NBEA: variants seen among roughly 807,000 people sequenced by gnomAD.
NBEA encodes the protein lysosomal-trafficking regulator 2.
In NBEA, 44 loss-of-function variants were observed where a neutral mutation model predicts 343.4. The observed-to-expected ratio is 0.13, with a 90% confidence interval of 0.10 to 0.16. The LOEUF (loss-of-function observed/expected upper bound fraction) is 0.16, where lower values mean the gene tolerates loss of function less well. NBEA is among the 10% of genes least tolerant of loss of function. The probability of loss-of-function intolerance (pLI) is 1.00; values close to 1 mark genes in which losing one functional copy is unlikely to be tolerated. For synonymous variants in NBEA, 1,175 were observed against 1,238.7 expected, an observed-to-expected ratio of 0.95 and a Z score of 1.08; for missense variants, 2,555 against 3,631.3, an observed-to-expected ratio of 0.70 and a Z score of 7.62.
intron 10 of NBEA, among the ~76,000 whole-genome samples, chr13:35,080,854 G>A (rs2064355352): frequency 6.6e-6 from 1 of 152,046 alleles, no homozygotes; most frequent in Non-Finnish European, 1.5e-5. Context: ...TTTTACAGAT[G>A]GAAATGAGAT....
Position 35,066,048 on chromosome 13 carries a change from G to T in NBEA, c.1240-3860G>T, listed in dbSNP as rs201906606. Among the ~76,000 whole-genome samples, 14 of 152,108 alleles carry T rather than the reference G, an allele frequency of 9.2e-5. No homozygotes were observed. In the East Asian group the frequency reaches 2.7e-3, roughly 30 times the overall value. On this transcript the variant is annotated intron_variant, in intron 8 of 58. Transcript: ENST00000379939. ...GCAGTCCTAGCACACTGGAGCCTTA[G>T]ACTCCTGGGCTCAGGCTATCCTCCT... is the stretch of plus-strand genomic sequence containing the variant.
intron 47 of NBEA, among the ~76,000 whole-genome samples, chr13:35,601,489 T>C (rs1359341260): frequency 6.6e-6 from 1 of 151,918 alleles, no homozygotes; most frequent in Non-Finnish European, 1.5e-5. Context: ...GGTGGCCGGA[T>C]GTTGTGGCTC....
intron 38 of NBEA, among the ~76,000 whole-genome samples, chr13:35,383,578 A>T (rs559397226): frequency 6.6e-6 from 1 of 152,016 alleles, no homozygotes; most frequent in South Asian, 2.1e-4. Flanking sequence ...GCAATGAGAG[A>T]CCATTGTGGG....
intron 1 of NBEA, among the ~76,000 whole-genome samples, chr13:35,016,905 A>G (rs1475031392): frequency 2.0e-5 from 3 of 152,126 alleles, no homozygotes; most frequent in Non-Finnish European, 1.5e-5. Context: ...GAAACCAACT[A>G]AAATCTGAGT....
intron 43 of NBEA, among the ~76,000 whole-genome samples, chr13:35,551,666 G>T (rs918903500): frequency 6.6e-6 from 1 of 151,860 alleles, no homozygotes; most frequent in African/African-American, 2.4e-5. Flanking sequence ...AACTATAGGG[G>T]TGTGTGTGTT....
chr13:35,290,204 G>C (rs1314392363), intron 34 of NBEA, among the ~76,000 whole-genome samples, 185 bp from the exon 35 acceptor site: 1 of 151,704 alleles, frequency 6.6e-6, no homozygotes, highest in Admixed American at 6.6e-5. Context: ...AACTGGAAGT[G>C]TATCTAAATA....
intron 34 of NBEA, among the ~76,000 whole-genome samples, chr13:35,256,849 TG>T (rs1179712509): frequency 1.3e-5 from 2 of 152,176 alleles, no homozygotes; most frequent in African/African-American, 2.4e-5. Flanking sequence ...TTCAAGCCTG[TG>T]GGGGCAAGGG....
At chr13:35,445,799 T>TATAC (rs1055868984) in intron 39 of NBEA, among the ~76,000 whole-genome samples, 12 of 84,304 alleles carry the variant, frequency 1.4e-4, no homozygotes, top group Admixed American at 1.1e-3. Context: ...TATATATATA[T>TATAC]ATATATATAT....
intron 31 of NBEA, among the ~76,000 whole-genome samples, chr13:35,203,853 A>T (rs189977143): frequency 3.3e-4 from 51 of 152,328 alleles, no homozygotes; most frequent in Non-Finnish European, 4.9e-4. Flanking sequence ...TATAGATTCT[A>T]TGTAGTATAA....
chr13:35,060,795 G>A (rs1229604865), intron 8 of NBEA, among the ~76,000 whole-genome samples: 1 of 151,532 alleles, frequency 6.6e-6, no homozygotes, highest in Non-Finnish European at 1.5e-5. Flanking sequence ...GAAAACCTGA[G>A]TAGTTCACAC....
At chr13:35,668,902 A>G (rs925068739) in intron 58 of NBEA, among the ~76,000 whole-genome samples, 1 of 152,182 alleles carries the variant, frequency 6.6e-6, no homozygotes, top group African/African-American at 2.4e-5. Context: ...TGTGAGACCT[A>G]CTTCTTGCTA....
intron 29 of NBEA, among the ~76,000 whole-genome samples, chr13:35,183,421 A>C (rs756013168): frequency 6.6e-6 from 1 of 152,056 alleles, no homozygotes; most frequent in Non-Finnish European, 1.5e-5. Context: ...TTAGTGGTCA[A>C]ATCTCTGCAT....
chr13:35,436,950 TAGAA>T (rs920408236), intron 39 of NBEA, among the ~76,000 whole-genome samples: 6 of 152,172 alleles, frequency 3.9e-5, no homozygotes, highest in Admixed American at 1.3e-4. Flanking sequence ...TTAAATTACT[TAGAA>T]AGAAAATTTT....
chr13:35,003,389 G>T (rs2061211516), intron 1 of NBEA, among the ~76,000 whole-genome samples: 1 of 152,032 alleles, frequency 6.6e-6, no homozygotes, highest in African/African-American at 2.4e-5. Flanking sequence ...GAAAGGGTAT[G>T]CAGTATGTGA....
At chr13:34,955,469 C>G (rs2059461933) in intron 1 of NBEA, among the ~76,000 whole-genome samples, 1 of 152,074 alleles carries the variant, frequency 6.6e-6, no homozygotes, top group Admixed American at 6.6e-5. Context: ...GAGCTCCTAA[C>G]TTTCCTTGGA....
At chr13:35,446,106 G>A (rs1192625468) in intron 39 of NBEA, among the ~76,000 whole-genome samples, 1 of 151,754 alleles carries the variant, frequency 6.6e-6, no homozygotes, top group Non-Finnish European at 1.5e-5. Flanking sequence ...TGAGAATGAT[G>A]GTTTCCGGCT....
At chr13:35,061,637 A>G (rs1034832161) in intron 8 of NBEA, among the ~76,000 whole-genome samples, 2 of 151,742 alleles carry the variant, frequency 1.3e-5, no homozygotes, top group African/African-American at 4.8e-5. Context: ...TATGAATATG[A>G]TAACAATGGT....
At chr13:35,536,940 C>T (rs2078584832) in intron 41 of NBEA, among the ~76,000 whole-genome samples, 1 of 152,144 alleles carries the variant, frequency 6.6e-6, no homozygotes, top group African/African-American at 2.4e-5. Context: ...ACCCCTGGAA[C>T]TGGCCAGGGG....
chr13:35,280,322 G>C (rs190411984), intron 34 of NBEA, among the ~76,000 whole-genome samples: 2 of 152,124 alleles, frequency 1.3e-5, no homozygotes, highest in South Asian at 2.1e-4. Flanking sequence ...ATCCTCTCAT[G>C]AGTAAAAGAA....
Sources: allele counts gnomAD v4.1 joint callset (sites outside exome capture counted in the v4.1 genomes callset), GRCh38; gene constraint gnomAD v4.1.1; transcripts MANE v1.5; gene names NCBI Gene and HGNC (gene_info 2026-07-23, HGNC 2026-07-21).